VSTM1: variants seen among roughly 807,000 people sequenced by gnomAD.
The protein encoded by VSTM1 is V-set and transmembrane domain-containing protein 1.
In VSTM1, 27 loss-of-function variants were observed where a neutral mutation model predicts 33.1. The ratio of observed to expected loss-of-function variants is 0.82; its 90% CI spans 0.60 to 1.12. VSTM1 has a LOEUF of 1.12. Among genes scored for constraint, VSTM1 ranks in the 50% most tolerant of loss-of-function variants. The probability of loss-of-function intolerance (pLI) is 0.00; values close to 1 mark genes in which losing one functional copy is unlikely to be tolerated. For missense variants in VSTM1, 304 were observed against 288.9 expected, an observed-to-expected ratio of 1.05 and a Z score of -0.38; for synonymous variants, 115 against 110.3, an observed-to-expected ratio of 1.04 and a Z score of -0.27.
intron 1 of VSTM1, among the ~76,000 whole-genome samples, chr19:54,059,924 C>A (rs890715943): frequency 6.6e-6 from 1 of 151,460 alleles, no homozygotes; most frequent in Non-Finnish European, 1.5e-5. Flanking sequence ...CTCGGCTCAC[C>A]GCAAGCTCTG....
At chr19:54,041,726 C>T (rs1160918978) in intron 8 of VSTM1, 53 bp downstream of exon 8, 1 of 1,584,936 alleles carries the variant, frequency 6.3e-7, no homozygotes, top group African/African-American at 1.4e-5. Flanking sequence ...CACACACGAC[C>T]AGCCCATTGT....
intron 4 of VSTM1, among the ~76,000 whole-genome samples, chr19:54,042,784 ATG>A (rs1402987138): frequency 2.2e-5 from 3 of 134,498 alleles, no homozygotes; most frequent in African/African-American, 5.4e-5. Flanking sequence ...ATGTATATAT[ATG>A]TGTGTGTATA....
At chr19:54,046,739 A>G (rs1473026082) in intron 4 of VSTM1, among the ~76,000 whole-genome samples, 1 of 152,022 alleles carries the variant, frequency 6.6e-6, no homozygotes, top group Non-Finnish European at 1.5e-5. Context: ...ACAAACTGCC[A>G]CTGACGGCTG....
intron 4 of VSTM1, among the ~76,000 whole-genome samples, chr19:54,043,538 A>T (rs1487698417): frequency 6.6e-6 from 1 of 151,942 alleles, no homozygotes; most frequent in African/African-American, 2.4e-5. Flanking sequence ...TAGCCTCCTG[A>T]GTAGCTGGGA....
chr19:54,058,923 T>TATATAAATATAATAC (rs1568479663), intron 1 of VSTM1, among the ~76,000 whole-genome samples, 191 bp from the exon 2 acceptor site: 1 of 147,936 alleles, frequency 6.8e-6, no homozygotes, highest in Non-Finnish European at 1.5e-5. Context: ...AAATATAATA[T>TATATAAATATAATAC]ATATATTAAA....
intron 4 of VSTM1, 51 bp from the exon 5 acceptor site, chr19:54,042,420 T>A: frequency 6.3e-7 from 1 of 1,581,372 alleles, no homozygotes; most frequent in East Asian, 2.3e-5. Context: ...TGAAATCCAC[T>A]GATAGGGGCG....
At position 54,058,828 on chromosome 19, in the gene VSTM1, T is replaced by TAG; in HGVS notation, c.35-97_35-96insCT. ...TGACTAGCTCTTTATAGGTCTGAGA[T>TAG]ATATATATATATATAATGTATATAT... On this transcript the variant is annotated intron_variant, in intron 1 of 8. Transcript: ENST00000338372. 3 of 469,764 alleles carry TAG rather than the reference T, an allele frequency of 6.4e-6. No individual in the cohort carries two copies. In the South Asian group the frequency reaches 1.1e-4, roughly 18 times the overall value. 29.1% of individuals were successfully genotyped at this position (469,764 alleles called of 1,614,324 possible).
In VSTM1 at chr19:54,051,431, C is replaced by G; in HGVS notation, c.373G>C (p.Glu125Gln). 1 of 1,595,356 alleles carries G rather than the reference C, an allele frequency of 6.3e-7. No homozygotes were observed. Among genetic ancestry groups the G allele is most frequent in the South Asian group, 1.1e-5 (1 of 87,582 alleles). Reference sequence around the variant, plus strand: ...TTACCTGTTTTCATTGAGGGAGCTTCAAGTTCATCGTGTTTATCTAGAAAA... The same window carrying G: ...TTACCTGTTTTCATTGAGGGAGCTTGAAGTTCATCGTGTTTATCTAGAAAA... ...LVVTDKHDEL[E>Q]APSMKTDTRT... is the part of the protein sequence containing the mutation. Residue 125 changes from glutamate (E) to glutamine (Q), a missense_variant, in exon 4 of 9, where the codon GAA (glutamate) becomes CAA (glutamine). Physicochemically the swap from Glu to Gln is conservative, Grantham distance 29. Transcript: ENST00000338372.
At chr19:54,052,278 G>C (rs113565741) in intron 3 of VSTM1, among the ~76,000 whole-genome samples, 13,327 of 123,192 alleles carry the variant, frequency 0.11, 1,140 homozygotes, top group Non-Finnish European at 0.12. Context: ...GGCCCCTGTA[G>C]TCCCAGCTAC....
At chr19:54,063,357 C>CATAA (rs563191686) in intron 1 of VSTM1, among the ~76,000 whole-genome samples, 4 of 151,904 alleles carry the variant, frequency 2.6e-5, no homozygotes, top group East Asian at 1.9e-4. Flanking sequence ...TGCATACATA[C>CATAA]ATAAATAAAT....
intron 4 of VSTM1, among the ~76,000 whole-genome samples, chr19:54,045,663 A>G (rs2070542460): frequency 6.6e-6 from 1 of 151,998 alleles, no homozygotes; most frequent in Non-Finnish European, 1.5e-5. Context: ...TTCACCTACT[A>G]TTATCTATTT....
rs1306971175 is a variant in VSTM1 at position 54,040,929 on chromosome 19, C to G, written c.*32G>C. 1 of 1,603,468 alleles carries G rather than the reference C, an allele frequency of 6.2e-7. No individual in the cohort carries two copies. Among genetic ancestry groups the G allele is most frequent in the Non-Finnish European group, 8.5e-7 (1 of 1,175,344 alleles). ...CCGATAACCTTGGCCAGCACGATCCCCCCTCCTTTAGTGGCCAGGGCTGTC... is the reference window on the plus strand; with the variant it reads ...CCGATAACCTTGGCCAGCACGATCCGCCCTCCTTTAGTGGCCAGGGCTGTC... On this transcript the variant is annotated 3_prime_UTR_variant, in exon 9 of 9. Coordinates refer to ENST00000338372, the MANE Select transcript of VSTM1 (RefSeq NM_198481.4).
At chr19:54,056,209 C>CTTTTTTTTTTTTTTTTTTT (rs879970929) in intron 3 of VSTM1, among the ~76,000 whole-genome samples, 9 of 46,484 alleles carry the variant, frequency 1.9e-4, no homozygotes, top group African/African-American at 2.8e-4. Context: ...CTTTTCTTTT[C>CTTTTTTTTTTTTTTTTTTT]TTTTCTTTTT....
At chr19:54,063,544 G>A (rs370331685) in intron 1 of VSTM1, among the ~76,000 whole-genome samples, 200 bp downstream of exon 1, 1 of 152,084 alleles carries the variant, frequency 6.6e-6, no homozygotes, top group Non-Finnish European at 1.5e-5. Context: ...GTCTGTCCCC[G>A]TGTCTCTGCA....
intron 4 of VSTM1, among the ~76,000 whole-genome samples, chr19:54,045,772 T>C (rs57745388): frequency 0.54 from 81,694 of 151,962 alleles, 22,380 homozygotes; most frequent in African/African-American, 0.59. Flanking sequence ...TGTATCTATC[T>C]GTGTATCTGT....
Position 54,041,065 on chromosome 19 carries a change from C to A in VSTM1, c.607G>T (p.Gly203Ter). Residue 203 changes from glycine (G) to a stop codon, truncating the protein, a stop_gained, in exon 9 of 9, where the codon GGA becomes TGA. Transcript: ENST00000338372. LOFTEE classifies it high-confidence loss of function. The part of the protein sequence containing the change: ...RVSLSTADPQ[G>*]VTYAELSTSA... ...GTGCTTAGCTCAGCATAGGTCACTC[C>A]TTGGGGGTCTGCCGTCTTTGGAGAA... 6.3e-7 allele frequency: 1 copy of A among 1,588,690 alleles called. No individual in the cohort carries two copies. The highest frequency in any genetic ancestry group is 8.5e-7 in the Non-Finnish European group (1 of 1,171,578).
intron 4 of VSTM1, among the ~76,000 whole-genome samples, chr19:54,051,071 A>G (rs1323365472): frequency 1.3e-5 from 2 of 150,470 alleles, no homozygotes; most frequent in African/African-American, 4.9e-5. Context: ...AGGCGGGCAG[A>G]TCACAAGGTC....
chr19:54,042,253 TCC>T (rs1266973112), intron 5 of VSTM1, 22 bp downstream of exon 5: 1 of 1,613,702 alleles, frequency 6.2e-7, no homozygotes, highest in African/African-American at 1.3e-5. Flanking sequence ...TCCCCCTCTC[TCC>T]CTTTGCGTTC....
chr19:54,046,066 T>C (rs370745424), intron 4 of VSTM1, among the ~76,000 whole-genome samples: 3 of 152,334 alleles, frequency 2.0e-5, no homozygotes, highest in African/African-American at 7.2e-5. Context: ...GTTATCTATC[T>C]ACCTACTTAC....
Sources: gnomAD v4.1 joint callset for allele counts (sites outside exome capture counted in the v4.1 genomes callset) on GRCh38, gnomAD v4.1.1 for gene constraint, MANE v1.5 for transcripts, NCBI Gene and HGNC (gene_info 2026-07-23, HGNC 2026-07-21) for gene names.